Variants in HHAT observed in about 807,000 individuals in gnomAD.
HHAT encodes the protein protein-cysteine N-palmitoyltransferase HHAT.
A neutral mutation model predicts 70.8 loss-of-function variants in HHAT; 47 were observed. That is an observed-to-expected ratio of 0.66 (90% CI 0.53 to 0.85). The LOEUF is 0.85. Ranked by LOEUF, HHAT falls within the 40% of genes least tolerant of loss-of-function variation. HHAT has a pLI of 0.00. For missense variants in HHAT, 609 were observed against 604.8 expected (o/e 1.01, Z -0.07); for synonymous variants, 228 against 247.6 (o/e 0.92, Z 0.74).
At chr1:210,470,753 C>A (rs1186591756) in intron 8 of HHAT, among the ~76,000 whole-genome samples, 1 of 152,152 alleles carries the variant, frequency 6.6e-6, no homozygotes, top group Non-Finnish European at 1.5e-5. Context: ...AGATGTTGAT[C>A]ACCAGTCACC....
At chr1:210,483,504 T>G (rs1409307824) in intron 8 of HHAT, among the ~76,000 whole-genome samples, 2 of 152,048 alleles carry the variant, frequency 1.3e-5, no homozygotes, top group African/African-American at 2.4e-5. Context: ...AGGGGAGAGG[T>G]CTGATCTAGT....
chr1:210,538,131 C>T (rs1277315116), intron 9 of HHAT, among the ~76,000 whole-genome samples: 5 of 148,714 alleles, frequency 3.4e-5, no homozygotes, highest in African/African-American at 1.2e-4. Context: ...TTCATTGTAT[C>T]CCGTAATTTG....
chr1:210,560,137 A>G lies in HHAT; in HGVS notation c.1044-27761A>G, dbSNP rs2095608067. 4.6e-5 allele frequency among the ~76,000 whole-genome samples: 7 copies of G among 152,196 alleles called. No homozygotes were observed. The South Asian group carries it at 8.3e-4, about 18-fold the overall frequency. On this transcript the variant is annotated intron_variant, in intron 9 of 11. Transcript: ENST00000261458. ...GAAAACCCTCAGTCCTGAGGCATTCAGTCCTCCAATTTCTCTCTTGTACCC... is the reference window on the plus strand; with the variant it reads ...GAAAACCCTCAGTCCTGAGGCATTCGGTCCTCCAATTTCTCTCTTGTACCC...
intron 8 of HHAT, among the ~76,000 whole-genome samples, chr1:210,505,113 G>T (rs2094829668): frequency 6.6e-6 from 1 of 152,104 alleles, no homozygotes; most frequent in African/African-American, 2.4e-5. Context: ...TGGCCAGGCT[G>T]TTCTTGAACT....
At position 210,501,888 on chromosome 1, in the gene HHAT, C is replaced by CT. The variant is rs1187436035; in HGVS notation, c.1008-11256dup. Among the ~76,000 whole-genome samples the CT allele has an allele frequency of 2.9e-4, 44 of 151,260 alleles. 1 individual carries two copies. The highest frequency in any genetic ancestry group is 1.3e-3 in the South Asian group (6 of 4,758). On this transcript the variant is annotated intron_variant, in intron 8 of 11. Coordinates refer to ENST00000261458, the MANE Select transcript of HHAT (RefSeq NM_018194.6). ...TCTCCCTGAGCTGCCTACCCCCACC[C>CT]TTTTTTTTTAAACAAAGCTCTGACC...
intron 1 of HHAT, among the ~76,000 whole-genome samples, chr1:210,342,137 G>A (rs1162409914): frequency 6.6e-6 from 1 of 151,900 alleles, no homozygotes; most frequent in African/African-American, 2.4e-5. Flanking sequence ...CATCTGTGTG[G>A]CTTGGTTCCA....
chr1:210,609,289 A>T (rs7518254), intron 10 of HHAT, among the ~76,000 whole-genome samples: 122,047 of 152,052 alleles, frequency 0.8, 51,423 homozygotes, highest in East Asian at 0.99. Flanking sequence ...AGATTTAAAA[A>T]TTTTCTATAT....
intron 8 of HHAT, among the ~76,000 whole-genome samples, chr1:210,473,614 C>T (rs771977318): frequency 2.5e-4 from 38 of 152,202 alleles, no homozygotes; most frequent in Non-Finnish European, 4.6e-4. Context: ...AATCCAGAAA[C>T]AGCTGCCCTG....
chr1:210,576,371 T>C (rs1657740028), intron 9 of HHAT, among the ~76,000 whole-genome samples: 1 of 151,892 alleles, frequency 6.6e-6, no homozygotes, highest in Non-Finnish European at 1.5e-5. Flanking sequence ...CATGAAACCA[T>C]CAACATAAAG....
At chr1:210,508,708 A>G (rs1572921885) in intron 8 of HHAT, among the ~76,000 whole-genome samples, 1 of 152,256 alleles carries the variant, frequency 6.6e-6, no homozygotes, top group East Asian at 1.9e-4. Context: ...TGTGGTCTTG[A>G]TTTTCATTTT....
At chr1:210,484,670 C>G (rs1460107193) in intron 8 of HHAT, among the ~76,000 whole-genome samples, 1 of 152,134 alleles carries the variant, frequency 6.6e-6, no homozygotes, top group African/African-American at 2.4e-5. Flanking sequence ...TTGGCACTTA[C>G]CAGTGGCACT....
intron 11 of HHAT, among the ~76,000 whole-genome samples, chr1:210,654,577 C>A (rs578108447): frequency 2.0e-5 from 3 of 152,346 alleles, no homozygotes; most frequent in East Asian, 3.9e-4. Flanking sequence ...AACTGAAAGG[C>A]AGCCTTTTAA....
chr1:210,588,218 C>T lies in HHAT; in HGVS notation c.1245+119C>T, dbSNP rs989718736. 5 of 820,640 alleles carry T rather than the reference C, an allele frequency of 6.1e-6. No individual in the cohort carries two copies. In the Admixed American group the frequency reaches 1.3e-4, roughly 21 times the overall value. 50.8% of individuals were successfully genotyped at this position (820,640 alleles called of 1,614,324 possible). A position where few individuals can be genotyped will look rare whatever the true frequency, so the allele number is the denominator to read the frequency against. ...ATGGGCCCTTTCTACTAGGTTGGTTCAAAGTCCATATGCCTAGAGGCAAGA... is the reference window on the plus strand; with the variant it reads ...ATGGGCCCTTTCTACTAGGTTGGTTTAAAGTCCATATGCCTAGAGGCAAGA... On this transcript the variant is annotated intron_variant, in intron 10 of 11. Transcript: ENST00000261458.
chr1:210,660,212 CAA>C (rs1361474695), intron 11 of HHAT, among the ~76,000 whole-genome samples: 1 of 152,194 alleles, frequency 6.6e-6, no homozygotes, highest in Non-Finnish European at 1.5e-5. Context: ...GCAACTTCAG[CAA>C]AGTCTCAGGA....
At position 210,400,495 on chromosome 1, in the gene HHAT, G is replaced by C; in HGVS notation, c.301G>C (p.Gly101Arg). 1.2e-6 allele frequency: 2 copies of C among 1,613,514 alleles called. No homozygotes were observed. Among genetic ancestry groups the C allele is most frequent in the Non-Finnish European group, 1.7e-6 (2 of 1,179,738 alleles). Residue 101 changes from glycine (G) to arginine (R), a missense_variant, in exon 5 of 12, where the codon GGG becomes CGG. Physicochemically the swap from Gly to Arg is moderately radical, Grantham distance 125. Transcript: ENST00000261458. ...KHRPWILMLY[G>R]MWACWCVLGT... ...CAGACCCTGGATTCTCATGCTCTATGGGATGTGGGCCTGCTGGTGTGTGCT... is the reference window on the plus strand; with the variant it reads ...CAGACCCTGGATTCTCATGCTCTATCGGATGTGGGCCTGCTGGTGTGTGCT...
chr1:210,333,452 T>C (rs890164840), intron 1 of HHAT, among the ~76,000 whole-genome samples: 17 of 151,174 alleles, frequency 1.1e-4, no homozygotes, highest in African/African-American at 4.1e-4. Flanking sequence ...ATGAAAAAAC[T>C]AAAAAAGCTC....
At position 210,503,170 on chromosome 1, in the gene HHAT, G is replaced by A. The variant is rs548842252; in HGVS notation, c.1008-9983G>A. Among the ~76,000 whole-genome samples, 6 of 152,300 alleles carry A rather than the reference G, an allele frequency of 3.9e-5. No homozygotes were observed. In the South Asian group the frequency reaches 1.2e-3, roughly 32 times the overall value. ...AGACAGGGTTTCGCCATGTTGGCCA[G>A]GCTGGTCTCGAACTCCTGGCCTAAA... On this transcript the variant is annotated intron_variant, in intron 8 of 11. Transcript: ENST00000261458.
At chr1:210,342,659 A>G (rs1033445984) in intron 1 of HHAT, among the ~76,000 whole-genome samples, 2 of 152,212 alleles carry the variant, frequency 1.3e-5, no homozygotes, top group African/African-American at 2.4e-5. Flanking sequence ...ATGAAAACAG[A>G]AAAGAAACAT....
chr1:210,616,322 C>T (rs1366122479), intron 10 of HHAT, among the ~76,000 whole-genome samples: 1 of 152,094 alleles, frequency 6.6e-6, no homozygotes, highest in Non-Finnish European at 1.5e-5. Context: ...ATCCTTTGAC[C>T]AGCCAACATC....
Sources: allele counts gnomAD v4.1 joint callset (sites outside exome capture counted in the v4.1 genomes callset), GRCh38; gene constraint gnomAD v4.1.1; transcripts MANE v1.5; gene names NCBI Gene and HGNC (gene_info 2026-07-23, HGNC 2026-07-21).